Variants in CFAP299 observed in about 807,000 individuals in gnomAD.
CFAP299 encodes the protein cilia- and flagella-associated protein 299.
Under a neutral mutation model 27.0 loss-of-function variants are expected in CFAP299, and 21 were observed. The ratio of observed to expected loss-of-function variants is 0.78; its 90% CI spans 0.55 to 1.12. CFAP299 has a LOEUF of 1.12. Among genes scored for constraint, CFAP299 ranks in the 50% most tolerant of loss-of-function variants. CFAP299 has a pLI of 0.00. For synonymous variants in CFAP299, 104 were observed against 98.1 expected, an observed-to-expected ratio of 1.06 and a Z score of -0.36; for missense variants, 310 against 276.6, an observed-to-expected ratio of 1.12 and a Z score of -0.86.
chr4:80,546,595 G>T (rs1734239376), intron 2 of CFAP299, among the ~76,000 whole-genome samples: 1 of 152,160 alleles, frequency 6.6e-6, no homozygotes, highest in Non-Finnish European at 1.5e-5. Flanking sequence ...AGGACCTGGT[G>T]GGAGGTATTT....
intron 1 of CFAP299, among the ~76,000 whole-genome samples, chr4:80,357,287 C>T (rs1723325155): frequency 6.6e-6 from 1 of 151,976 alleles, no homozygotes; most frequent in Non-Finnish European, 1.5e-5. Context: ...GTGATATTTG[C>T]CTGAAGTTTT....
the CFAP299 span, among the ~76,000 whole-genome samples, chr4:80,326,274 T>C: frequency 2.6e-5 from 4 of 152,214 alleles, no homozygotes. Flanking sequence ...TGTGTATGTC[T>C]GTATCCTATA....
chr4:80,479,899 A>G (rs1730467319), intron 2 of CFAP299, among the ~76,000 whole-genome samples: 1 of 152,034 alleles, frequency 6.6e-6, no homozygotes, highest in Non-Finnish European at 1.5e-5. Flanking sequence ...TTAAGAGACC[A>G]AGTGACAAAA....
intron 4 of CFAP299, among the ~76,000 whole-genome samples, chr4:80,901,667 TTCAAGACTACATATTTAA>T (rs1216091919): frequency 6.6e-6 from 1 of 152,106 alleles, no homozygotes; most frequent in Admixed American, 6.6e-5. Flanking sequence ...AATAACAGAC[TTCAAGACTACATATTTAA>T]TCATTATTGA....
chr4:80,934,878 A>G (rs942879648), intron 4 of CFAP299, among the ~76,000 whole-genome samples: 1 of 151,618 alleles, frequency 6.6e-6, no homozygotes, highest in African/African-American at 2.4e-5. Flanking sequence ...TATTTCATTT[A>G]TTTCTTCTTT....
At chr4:80,868,804 G>A (rs986234668) in intron 3 of CFAP299, among the ~76,000 whole-genome samples, 15 of 151,264 alleles carry the variant, frequency 9.9e-5, no homozygotes, top group African/African-American at 3.7e-4. Flanking sequence ...TTCTGCTGGA[G>A]AAATAAGTTT....
chr4:80,570,420 A>ATATAAAT (rs1735527324), intron 2 of CFAP299, among the ~76,000 whole-genome samples: 1 of 152,100 alleles, frequency 6.6e-6, no homozygotes, highest in African/African-American at 2.4e-5. Flanking sequence ...CACTCCTACA[A>ATATAAAT]AACAATACAA....
intron 2 of CFAP299, among the ~76,000 whole-genome samples, chr4:80,413,037 A>G (rs1434854397): frequency 6.6e-6 from 1 of 152,258 alleles, no homozygotes; most frequent in Non-Finnish European, 1.5e-5. Context: ...GTAGCCTCAT[A>G]ACATTAAGTT....
At chr4:80,591,908 A>G (rs1426298066) in intron 3 of CFAP299, among the ~76,000 whole-genome samples, 7 of 152,232 alleles carry the variant, frequency 4.6e-5, no homozygotes, top group Non-Finnish European at 8.8e-5. Context: ...TTTTTAACAA[A>G]GAGAGAATAA....
chr4:80,634,834 G>A (rs555293230), intron 3 of CFAP299, among the ~76,000 whole-genome samples: 6 of 151,964 alleles, frequency 3.9e-5, no homozygotes, highest in East Asian at 1.9e-4. Context: ...AATTGAAGTC[G>A]TATTAACTTT....
At chr4:80,735,814 A>C (rs1723825976) in intron 3 of CFAP299, among the ~76,000 whole-genome samples, 1 of 152,050 alleles carries the variant, frequency 6.6e-6, no homozygotes, top group Non-Finnish European at 1.5e-5. Flanking sequence ...TAATCTTTTT[A>C]ATGTATTATT....
At chr4:80,653,213 A>G (rs116562793) in intron 3 of CFAP299, among the ~76,000 whole-genome samples, 208 of 152,196 alleles carry the variant, frequency 1.4e-3, no homozygotes, top group African/African-American at 4.7e-3. Flanking sequence ...TTTCTGTCCC[A>G]CATTTTGACA....
chr4:80,914,312 A>G (rs1216877094), intron 4 of CFAP299, among the ~76,000 whole-genome samples: 1 of 152,172 alleles, frequency 6.6e-6, no homozygotes, highest in East Asian at 1.9e-4. Flanking sequence ...AGTTCCTTTT[A>G]TTCCACATCC....
intron 3 of CFAP299, among the ~76,000 whole-genome samples, chr4:80,868,905 C>CTCTCTCTCTG (rs1435285713): frequency 1.5e-5 from 2 of 137,576 alleles, no homozygotes; most frequent in Non-Finnish European, 3.1e-5. Flanking sequence ...GCTTCTCTCT[C>CTCTCTCTCTG]TGTGTGTGTG....
chr4:80,573,051 T>C (rs933841225), intron 2 of CFAP299, among the ~76,000 whole-genome samples: 2 of 152,114 alleles, frequency 1.3e-5, no homozygotes, highest in Non-Finnish European at 2.9e-5. Flanking sequence ...GTACAAACTG[T>C]TCTCCATAGT....
At chr4:80,322,413 T>G in the CFAP299 span, among the ~76,000 whole-genome samples, 11 of 152,186 alleles carry the variant, frequency 7.2e-5, no homozygotes, top group Non-Finnish European at 1.3e-4. Context: ...TGTATGTGTC[T>G]TCTTGGATTT....
rs192539178 is a variant in CFAP299, at chr4:80,671,589, A to G, written c.333+88406A>G. On this transcript the variant is annotated intron_variant, in intron 3 of 5. Transcript: ENST00000358105. Reference sequence around the variant, plus strand: ...GAATCTATAAATTACCTTGGGCAGTATGGCCATTTTCATGATATTGATTCT... The same window carrying G: ...GAATCTATAAATTACCTTGGGCAGTGTGGCCATTTTCATGATATTGATTCT... Among the ~76,000 whole-genome samples, 369 of 152,240 alleles carry G rather than the reference A, an allele frequency of 2.4e-3. 1 individual carries two copies. Among genetic ancestry groups the G allele is most frequent in the African/African-American group, 8.4e-3 (347 of 41,552 alleles).
At chr4:80,828,615 C>A (rs1035262781) in intron 3 of CFAP299, among the ~76,000 whole-genome samples, 1 of 151,852 alleles carries the variant, frequency 6.6e-6, no homozygotes, top group Admixed American at 6.6e-5. Context: ...CTCCCCCTAC[C>A]CTGATTCTCT....
At chr4:80,847,464 G>T (rs1731248944) in intron 3 of CFAP299, among the ~76,000 whole-genome samples, 1 of 152,182 alleles carries the variant, frequency 6.6e-6, no homozygotes, top group Non-Finnish European at 1.5e-5. Context: ...TAGTGGCAGA[G>T]ATGATGTCAG....
Sources: gnomAD v4.1 joint callset for allele counts (sites outside exome capture counted in the v4.1 genomes callset) on GRCh38, gnomAD v4.1.1 for gene constraint, MANE v1.5 for transcripts, NCBI Gene and HGNC (gene_info 2026-07-23, HGNC 2026-07-21) for gene names.